NCBP1: variants seen among roughly 807,000 people sequenced by gnomAD.
NCBP1 encodes nuclear cap-binding protein subunit 1.
A neutral mutation model predicts 111.7 loss-of-function variants in NCBP1; 16 were observed. The observed-to-expected ratio is 0.14, with a 90% CI of 0.10 to 0.22. The LOEUF (loss-of-function observed/expected upper bound fraction) is 0.22. NCBP1 is among the 10% of genes least tolerant of loss of function. The pLI, the probability that NCBP1 is intolerant of heterozygous loss-of-function variation, is 1.00. For missense variants in NCBP1, 607 were observed against 957.5 expected, an observed-to-expected ratio of 0.63 and a Z score of 4.83; for synonymous variants, 304 against 314.3, an observed-to-expected ratio of 0.97 and a Z score of 0.35.
chr9:97,668,023 G>A (rs572777611), intron 20 of NCBP1, among the ~76,000 whole-genome samples: 1 of 152,336 alleles, frequency 6.6e-6, no homozygotes, highest in African/African-American at 2.4e-5. Flanking sequence ...ATATCCGAGA[G>A]CAGGGTTCTG....
chr9:97,670,371 G>A (rs1032322042), intron 22 of NCBP1, among the ~76,000 whole-genome samples: 1 of 152,162 alleles, frequency 6.6e-6, no homozygotes, highest in African/African-American at 2.4e-5. Flanking sequence ...ATCAAGGTAA[G>A]CTCCCTGGGG....
At position 97,650,514 on chromosome 9, in the gene NCBP1, G is replaced by A; in HGVS notation, c.909G>A (p.Met303Ile). 6.2e-7 allele frequency: 1 copy of A among 1,613,170 alleles called. No homozygotes were observed. The highest frequency in any genetic ancestry group is 8.5e-7 in the Non-Finnish European group (1 of 1,179,404). ...GGTTTTCTTTCCAGGGTCCTGTCAT[G>A]CCAGGGAGTCATTCAGTGGAAAGAT... ...DYTDDPEGPV[M>I]PGSHSVERFV... The change falls in exon 9 of 23, where the codon ATG becomes ATA. Residue 303 changes from methionine (M) to isoleucine (I), a missense_variant. This residue lies in a region of NCBP1 where 53 missense variants were observed against 144.8 expected (regional missense o/e 0.37). Coordinates refer to ENST00000375147, the MANE Select transcript of NCBP1 (RefSeq NM_002486.5).
At chr9:97,640,973 C>T (rs1472997833) in intron 2 of NCBP1, 91 bp downstream of exon 2, 9 of 961,674 alleles carry the variant, frequency 9.4e-6, no homozygotes, top group Non-Finnish European at 1.4e-5. Flanking sequence ...AGTTGGACTA[C>T]ATTTTGGCAA....
At chr9:97,661,739 T>G (rs568327786) in intron 16 of NCBP1, among the ~76,000 whole-genome samples, 11 of 151,426 alleles carry the variant, frequency 7.3e-5, no homozygotes, top group Non-Finnish European at 1.2e-4. Context: ...AGTGTTTTTT[T>G]TTTTTTTTTT....
chr9:97,655,995 T>C lies in NCBP1; in HGVS notation c.1299-16T>C. 6.2e-7 allele frequency: 1 copy of C among 1,609,616 alleles called. No homozygotes were observed. Among genetic ancestry groups the C allele is most frequent in the South Asian group, 1.1e-5 (1 of 90,962 alleles). ...GATTATATGTAAGCATTGATAAAAC[T>C]ACATTTCCTCCTTAGGTCAGATTGT... On this transcript the variant is annotated splice_polypyrimidine_tract_variant and intron_variant, in intron 13 of 22. Transcript: ENST00000375147.
intron 4 of NCBP1, 143 bp from the exon 5 acceptor site, chr9:97,644,974 A>G (rs76921110): frequency 0.011 from 5,770 of 506,920 alleles, 296 homozygotes; most frequent in African/African-American, 0.1. Flanking sequence ...GTTCCCAGCT[A>G]TGCAAAAAAC....
chr9:97,637,274 A>G (rs1827070542), intron 1 of NCBP1, among the ~76,000 whole-genome samples: 1 of 152,242 alleles, frequency 6.6e-6, no homozygotes, highest in Non-Finnish European at 1.5e-5. Flanking sequence ...CTAAATGGAA[A>G]GTAATGTGTA....
chr9:97,648,885 A>G (rs960777364), intron 8 of NCBP1, among the ~76,000 whole-genome samples: 2 of 152,060 alleles, frequency 1.3e-5, no homozygotes, highest in Non-Finnish European at 2.9e-5. Context: ...AATTTTTTGT[A>G]GAGTTGAGAT....
At chr9:97,658,543 C>G in intron 14 of NCBP1, 97 bp from the exon 15 acceptor site, 1 of 905,810 alleles carries the variant, frequency 1.1e-6, no homozygotes, top group Non-Finnish European at 1.8e-6. Flanking sequence ...CAGCTGAGTT[C>G]AAGTTGTTGG....
chr9:97,660,352 T>C (rs890751391), intron 15 of NCBP1, among the ~76,000 whole-genome samples: 9 of 152,180 alleles, frequency 5.9e-5, no homozygotes, highest in African/African-American at 1.9e-4. Context: ...CAAATTTTTA[T>C]AATAAGGACT....
intron 1 of NCBP1, among the ~76,000 whole-genome samples, chr9:97,635,194 C>G (rs1404111218): frequency 1.3e-5 from 2 of 152,170 alleles, no homozygotes; most frequent in African/African-American, 4.8e-5. Context: ...AGAGGATATT[C>G]TAGTCCAGCT....
chr9:97,657,924 ATATTTTT>A (rs1322591663), intron 14 of NCBP1, among the ~76,000 whole-genome samples: 1 of 119,502 alleles, frequency 8.4e-6, no homozygotes, highest in African/African-American at 3.5e-5. Context: ...ATATATATAT[ATATTTTT>A]TTTTTTTTTT....
At chr9:97,658,133 G>A (rs1827724306) in intron 14 of NCBP1, among the ~76,000 whole-genome samples, 1 of 151,372 alleles carries the variant, frequency 6.6e-6, no homozygotes, top group South Asian at 2.1e-4. Context: ...ATTGCCATTG[G>A]GGTGTCATTG....
In NCBP1 at chr9:97,645,290, A is replaced by G. The variant is rs1001452558; in HGVS notation, c.489+66A>G. 3.5e-5 allele frequency: 43 copies of G among 1,226,668 alleles called. 1 individual carries two copies. The African/African-American group carries it at 5.6e-4, about 16-fold the overall frequency. 76.0% of individuals were successfully genotyped at this position (1,226,668 alleles called of 1,614,324 possible). A position where few individuals can be genotyped will look rare whatever the true frequency, so the allele number is the denominator to read the frequency against. ...GGGGTTACTGAATCCTGGTACTTCCATATAGTACCAGGAATTTTTCGCTGA... is the reference window on the plus strand; with the variant it reads ...GGGGTTACTGAATCCTGGTACTTCCGTATAGTACCAGGAATTTTTCGCTGA... On this transcript the variant is annotated intron_variant, in intron 5 of 22. Coordinates refer to ENST00000375147, the MANE Select transcript of NCBP1 (RefSeq NM_002486.5).
intron 3 of NCBP1, 165 bp downstream of exon 3, chr9:97,641,827 T>C (rs1827215441): frequency 4.4e-6 from 2 of 453,352 alleles, no homozygotes; most frequent in African/African-American, 2.1e-5. Flanking sequence ...GGCGAACTCT[T>C]TTTCTTAGGG....
intron 5 of NCBP1, 32 bp downstream of exon 5, chr9:97,645,256 G>T (rs747376819): frequency 1.3e-6 from 2 of 1,490,266 alleles, no homozygotes; most frequent in Admixed American, 3.4e-5. Flanking sequence ...AATCTTGAGG[G>T]GTTCTTGAGG....
At chr9:97,643,009 G>A (rs1262468420) in intron 3 of NCBP1, among the ~76,000 whole-genome samples, 195 bp from the exon 4 acceptor site, 1 of 152,072 alleles carries the variant, frequency 6.6e-6, no homozygotes, top group Non-Finnish European at 1.5e-5. Context: ...ATTAACTGAT[G>A]AATTAAAATG....
In NCBP1 at chr9:97,645,341, A is replaced by G. The variant is rs1240764771; in HGVS notation, c.489+117A>G. 6 of 839,054 alleles carry G rather than the reference A, an allele frequency of 7.2e-6. No individual in the cohort carries two copies. In the East Asian group the frequency reaches 1.0e-4, roughly 14 times the overall value. 52.0% of individuals were successfully genotyped at this position (839,054 alleles called of 1,614,324 possible). ...TAACCCATTAGCAATAAAGAAAAAA[A>G]TAACAGCAGACTATCACACTTTAAG... On this transcript the variant is annotated intron_variant, in intron 5 of 22. Transcript: ENST00000375147.
At chr9:97,663,145 T>G (rs951786782) in intron 18 of NCBP1, 98 bp downstream of exon 18, 2 of 900,838 alleles carry the variant, frequency 2.2e-6, no homozygotes, top group Admixed American at 2.5e-5. Context: ...ACATGAAATT[T>G]GACTCTGCCT....
Sources: gnomAD v4.1 joint callset for allele counts (sites outside exome capture counted in the v4.1 genomes callset) on GRCh38, gnomAD v4.1.1 for gene constraint, gnomAD v4.1.1 regional missense constraint, MANE v1.5 for transcripts, NCBI Gene and HGNC (gene_info 2026-07-23, HGNC 2026-07-21) for gene names.